SLC25A30: variants seen among roughly 807,000 people sequenced by gnomAD.
The protein encoded by SLC25A30 is solute carrier family 25 member 30, also known as kidney mitochondrial carrier protein 1.
In SLC25A30, 29 loss-of-function variants were observed where a neutral mutation model predicts 42.7. The ratio of observed to expected loss-of-function variants is 0.68; its 90% confidence interval spans 0.51 to 0.93. The LOEUF (loss-of-function observed/expected upper bound fraction) is 0.93. Ranked by LOEUF, SLC25A30 falls within the 40% of genes least tolerant of loss-of-function variation. The pLI is 0.00. For missense variants in SLC25A30, 300 were observed against 359.7 expected (o/e 0.83, Z 1.34); for synonymous variants, 124 against 131.0 (o/e 0.95, Z 0.37).
intron 4 of SLC25A30, among the ~76,000 whole-genome samples, chr13:45,405,376 G>A (rs1882403190): frequency 6.6e-6 from 1 of 152,204 alleles, no homozygotes; most frequent in Non-Finnish European, 1.5e-5. Context: ...ATATCCTGAA[G>A]TATTTCCAAA....
the SLC25A30 span, among the ~76,000 whole-genome samples, chr13:45,425,683 AAT>A: frequency 9.3e-6 from 1 of 107,094 alleles, no homozygotes; most frequent in East Asian, 2.2e-4. Context: ...AGTATATATA[AAT>A]ATATATACAC....
intron 1 of SLC25A30, among the ~76,000 whole-genome samples, chr13:45,418,010 T>G (rs1336632493): frequency 1.3e-5 from 2 of 152,152 alleles, no homozygotes; most frequent in Non-Finnish European, 2.9e-5. Context: ...CGGATCTGAA[T>G]GACCCTGGAA....
At chr13:45,425,091 T>TGTATATATATATATATATGTATATATAC in the SLC25A30 span, among the ~76,000 whole-genome samples, 5 of 30,834 alleles carry the variant, frequency 1.6e-4, 1 homozygote, top group African/African-American at 7.9e-4. Context: ...AATATATAAA[T>TGTATATATATATATATATGTATATATAC]ATATTTATAA....
At chr13:45,432,511 T>A in the SLC25A30 span, among the ~76,000 whole-genome samples, 1 of 152,092 alleles carries the variant, frequency 6.6e-6, no homozygotes, top group Non-Finnish European at 1.5e-5. Flanking sequence ...ATCCACCACA[T>A]GTAGGCAAAA....
intron 9 of SLC25A30, chr13:45,396,922 C>A: frequency 4.1e-6 from 1 of 242,572 alleles, no homozygotes; most frequent in Non-Finnish European, 7.8e-6. Context: ...CTGTTGCCAA[C>A]CACATCCTTC....
chr13:45,423,656 T>TGAATATATATAA, the SLC25A30 span, among the ~76,000 whole-genome samples: 1 of 49,584 alleles, frequency 2.0e-5, no homozygotes, highest in Non-Finnish European at 3.3e-5. Context: ...CATATTTATA[T>TGAATATATATAA]AAATATATAT....
the SLC25A30 span, among the ~76,000 whole-genome samples, chr13:45,431,165 A>T: frequency 6.6e-6 from 1 of 151,978 alleles, no homozygotes; most frequent in Non-Finnish European, 1.5e-5. Context: ...CTCCTGCCTC[A>T]GCCTCCCGAG....
In SLC25A30 at chr13:45,393,636, C is replaced by T; in HGVS notation, c.*2338G>A. The T allele has an allele frequency of 1.0e-6, 1 of 985,346 alleles. No homozygotes were observed. The highest frequency in any genetic ancestry group is 1.2e-6 in the Non-Finnish European group (1 of 829,926). The allele number at this position is 985,346 out of a possible 1,614,324, so 61.0% of individuals were successfully genotyped here. A position where few individuals can be genotyped will look rare whatever the true frequency, so the allele number is the denominator to read the frequency against. Reference sequence around the variant, plus strand: ...CCAAAGGTGGGGAGGTACTTATAGCCAGAACCCTGACAACGAGGGGACCAA... The same window carrying T: ...CCAAAGGTGGGGAGGTACTTATAGCTAGAACCCTGACAACGAGGGGACCAA... On this transcript the variant is annotated 3_prime_UTR_variant, in exon 10 of 10. Coordinates refer to ENST00000519676, the MANE Select transcript of SLC25A30 (RefSeq NM_001010875.4).
At chr13:45,414,892 A>G (rs1462461804) in intron 1 of SLC25A30, among the ~76,000 whole-genome samples, 1 of 152,224 alleles carries the variant, frequency 6.6e-6, no homozygotes, top group Non-Finnish European at 1.5e-5. Flanking sequence ...CTGGATCTAC[A>G]GAAGTCCCAA....
chr13:45,400,033 T>TATACACACACAC (rs571184813), intron 7 of SLC25A30, among the ~76,000 whole-genome samples: 14 of 122,988 alleles, frequency 1.1e-4, no homozygotes, highest in Non-Finnish European at 1.8e-4. Flanking sequence ...TATATATATA[T>TATACACACACAC]ACACACACAC....
At position 45,397,439 on chromosome 13, in the gene SLC25A30, TC is replaced by T; in HGVS notation, c.754-102del. The T allele has an allele frequency of 3.8e-6, 3 of 791,154 alleles. No individual in the cohort carries two copies. The East Asian group carries it at 7.9e-5, about 21-fold the overall frequency. 49.0% of individuals were successfully genotyped at this position (791,154 alleles called of 1,614,324 possible). ...CAGGCGCGGTGGCTCACGCCTTTAATCCCAGCACTTTGGGAGGCCGAGGCGG... is the reference window on the plus strand; with the variant it reads ...CAGGCGCGGTGGCTCACGCCTTTAATCCAGCACTTTGGGAGGCCGAGGCGG... On this transcript the variant is annotated intron_variant, in intron 8 of 9. Transcript: ENST00000519676.
At chr13:45,417,155 A>C (rs576311563) in intron 1 of SLC25A30, among the ~76,000 whole-genome samples, 2 of 152,274 alleles carry the variant, frequency 1.3e-5, no homozygotes, top group East Asian at 3.9e-4. Flanking sequence ...CTAGAATTAG[A>C]CATCCGTCAC....
At chr13:45,424,428 T>TAA in the SLC25A30 span, among the ~76,000 whole-genome samples, 2 of 43,254 alleles carry the variant, frequency 4.6e-5, no homozygotes, top group African/African-American at 1.8e-4. Context: ...AATATATGAA[T>TAA]ATATATATAA....
chr13:45,404,227 C>T (rs969802105), intron 5 of SLC25A30, 100 bp downstream of exon 5: 9 of 850,228 alleles, frequency 1.1e-5, no homozygotes, highest in Non-Finnish European at 1.6e-5. Context: ...AACAGATTCA[C>T]ATATACACAG....
intron 1 of SLC25A30, chr13:45,411,945 CAAA>C (rs34248795): frequency 1.2e-4 from 11 of 92,256 alleles, no homozygotes; most frequent in Admixed American, 1.6e-4. Context: ...CACCCTGTGT[CAAA>C]AAAAAAAAAA....
At chr13:45,400,033 T>TATATATAC (rs571184813) in intron 7 of SLC25A30, among the ~76,000 whole-genome samples, 4 of 122,996 alleles carry the variant, frequency 3.3e-5, no homozygotes, top group East Asian at 4.6e-4. Context: ...TATATATATA[T>TATATATAC]ACACACACAC....
intron 2 of SLC25A30, 32 bp from the exon 3 acceptor site, chr13:45,409,106 AAAG>A (rs775959430): frequency 6.5e-7 from 1 of 1,545,150 alleles, no homozygotes; most frequent in Non-Finnish European, 8.8e-7. Context: ...CACTTAATAA[AAAG>A]AAATTCCACT....
At position 45,393,890 on chromosome 13, in the gene SLC25A30, T is replaced by A. The variant is rs1176281542; in HGVS notation, c.*2084A>T. The A allele has an allele frequency of 1.5e-4, 147 of 985,312 alleles. No homozygotes were observed. The highest frequency in any genetic ancestry group is 1.7e-4 in the Non-Finnish European group (140 of 829,926). 61.0% of individuals were successfully genotyped at this position (985,312 alleles called of 1,614,324 possible). ...GTATGTAATTTGAATAAACTGGTAA[T>A]AATACTGTCTGACATTCGCTCTTTA... On this transcript the variant is annotated 3_prime_UTR_variant, in exon 10 of 10. Transcript: ENST00000519676.
upstream of SLC25A30, among the ~76,000 whole-genome samples, chr13:45,421,678 A>G (rs556533138): frequency 1.3e-5 from 2 of 152,246 alleles, no homozygotes; most frequent in South Asian, 2.1e-4. Flanking sequence ...TACCCTCCCT[A>G]CAGAATGTTA....
Sources: allele counts gnomAD v4.1 joint callset (sites outside exome capture counted in the v4.1 genomes callset), GRCh38; gene constraint gnomAD v4.1.1; transcripts MANE v1.5; gene names NCBI Gene and HGNC (gene_info 2026-07-23, HGNC 2026-07-21).